Variants in MECOM observed in about 807,000 individuals in gnomAD.
MECOM encodes MDS1 and EVI1 complex locus.
In MECOM, 13 loss-of-function variants were observed where a neutral mutation model predicts 116.3. That is an observed-to-expected ratio of 0.11 (90% CI 0.07 to 0.18). The LOEUF (loss-of-function observed/expected upper bound fraction) is 0.18, where lower values mean the gene tolerates loss of function less well. MECOM is among the 10% of genes least tolerant of loss of function. The probability of loss-of-function intolerance (pLI) is 1.00; values close to 1 mark genes in which losing one functional copy is unlikely to be tolerated. For synonymous variants in MECOM, 528 were observed against 535.2 expected, an observed-to-expected ratio of 0.99 and a Z score of 0.19; for missense variants, 1,299 against 1,509.0, an observed-to-expected ratio of 0.86 and a Z score of 2.31.
At chr3:169,432,181 CAG>C (rs1391299532) in intron 1 of MECOM, among the ~76,000 whole-genome samples, 2 of 150,006 alleles carry the variant, frequency 1.3e-5, no homozygotes, top group East Asian at 2.0e-4. Flanking sequence ...TTTTTTTAGA[CAG>C]AGTCTTGCTC....
intron 1 of MECOM, among the ~76,000 whole-genome samples, chr3:169,482,363 G>T (rs1462617476): frequency 8.1e-6 from 1 of 124,054 alleles, no homozygotes; most frequent in African/African-American, 3.2e-5. Context: ...ACGGAGTCTC[G>T]CTCTGTGGCC....
chr3:169,189,169 T>C (rs1747181416), intron 2 of MECOM, among the ~76,000 whole-genome samples: 1 of 152,108 alleles, frequency 6.6e-6, no homozygotes, highest in African/African-American at 2.4e-5. Flanking sequence ...TTAAGACCTA[T>C]GTTGCTTTAA....
chr3:169,537,385 A>G (rs1405822646), intron 1 of MECOM, among the ~76,000 whole-genome samples: 1 of 152,206 alleles, frequency 6.6e-6, no homozygotes, highest in Non-Finnish European at 1.5e-5. Context: ...GAATGGGTCA[A>G]AAGCAAACAA....
chr3:169,188,176 T>TC (rs768015362), intron 2 of MECOM, among the ~76,000 whole-genome samples: 6 of 152,098 alleles, frequency 3.9e-5, no homozygotes, highest in Admixed American at 6.6e-5. Flanking sequence ...CAACCTTTTT[T>TC]CCTTTGAGCA....
chr3:169,596,404 A>G (rs1243261050), intron 1 of MECOM, among the ~76,000 whole-genome samples: 6 of 152,354 alleles, frequency 3.9e-5, no homozygotes, highest in Middle Eastern at 3.4e-3. Context: ...CTGAAAGTAC[A>G]TTATTAATTG....
At chr3:169,363,476 G>A (rs1056702753) in intron 2 of MECOM, among the ~76,000 whole-genome samples, 2 of 151,664 alleles carry the variant, frequency 1.3e-5, no homozygotes, top group Admixed American at 1.3e-4. Context: ...GCTCTTTCTG[G>A]TGCTGCTTCT....
chr3:169,650,856 C>T (rs1284606164), intron 1 of MECOM, among the ~76,000 whole-genome samples: 2 of 152,104 alleles, frequency 1.3e-5, no homozygotes, highest in Non-Finnish European at 2.9e-5. Context: ...ACCCAAATGT[C>T]ATCCACAGGG....
chr3:169,481,870 C>A (rs1275562600), intron 1 of MECOM, among the ~76,000 whole-genome samples: 1 of 152,204 alleles, frequency 6.6e-6, no homozygotes, highest in African/African-American at 2.4e-5. Context: ...CATTTTAATA[C>A]CATATCTCAA....
At chr3:169,362,090 T>G (rs1031998017) in intron 2 of MECOM, among the ~76,000 whole-genome samples, 1 of 151,928 alleles carries the variant, frequency 6.6e-6, no homozygotes, top group Non-Finnish European at 1.5e-5. Flanking sequence ...CTATTTTCTA[T>G]GTAATTTAAA....
chr3:169,154,529 C>T (rs966673480), intron 2 of MECOM, among the ~76,000 whole-genome samples: 2 of 152,288 alleles, frequency 1.3e-5, no homozygotes, highest in South Asian at 2.1e-4. Flanking sequence ...GATCTCCTGC[C>T]AGATCCTCTG....
intron 1 of MECOM, among the ~76,000 whole-genome samples, chr3:169,619,031 G>T (rs1770365905): frequency 6.7e-6 from 1 of 149,532 alleles, no homozygotes. Context: ...AAAAAAAAAA[G>T]TCCACTCTTT....
chr3:169,397,372 G>A (rs138140542), intron 1 of MECOM, among the ~76,000 whole-genome samples: 303 of 152,336 alleles, frequency 2.0e-3, no homozygotes, highest in African/African-American at 7.0e-3. Context: ...TGAACAATGA[G>A]CAATATTTAA....
At chr3:169,138,744 A>G (rs991821014) in intron 3 of MECOM, among the ~76,000 whole-genome samples, 1 of 151,116 alleles carries the variant, frequency 6.6e-6, no homozygotes, top group African/African-American at 2.5e-5. Context: ...AACATTTTTA[A>G]AAAGTATAAA....
At chr3:169,575,871 T>TA (rs147371655) in intron 1 of MECOM, among the ~76,000 whole-genome samples, 7,940 of 147,512 alleles carry the variant, frequency 0.054, 457 homozygotes, top group East Asian at 0.33. Flanking sequence ...CCTTAAGAGT[T>TA]AAAAAAAAAA....
intron 13 of MECOM, 106 bp from the exon 14 acceptor site, chr3:169,093,208 G>T: frequency 5.3e-6 from 6 of 1,130,306 alleles, no homozygotes; most frequent in Non-Finnish European, 5.0e-6. Flanking sequence ...CTTAAAACAT[G>T]CCCTATGAAT....
At chr3:169,351,364 T>A (rs1020682041) in intron 2 of MECOM, among the ~76,000 whole-genome samples, 4 of 151,846 alleles carry the variant, frequency 2.6e-5, no homozygotes, top group African/African-American at 9.7e-5. Flanking sequence ...GATATTTTAG[T>A]CAATAATTGC....
chr3:169,618,497 AAC>A (rs1770291145), intron 1 of MECOM, among the ~76,000 whole-genome samples: 1 of 152,122 alleles, frequency 6.6e-6, no homozygotes, highest in Non-Finnish European at 1.5e-5. Flanking sequence ...CTCTACTAAA[AAC>A]ACAAAAAATT....
At chr3:169,636,635 C>T (rs763329503) in intron 1 of MECOM, among the ~76,000 whole-genome samples, 20 of 152,164 alleles carry the variant, frequency 1.3e-4, no homozygotes, top group African/African-American at 4.3e-4. Context: ...TTCGAAGGTT[C>T]GTAATCCTGT....
intron 7 of MECOM, among the ~76,000 whole-genome samples, chr3:169,117,480 C>T (rs552503749): frequency 8.5e-5 from 13 of 152,296 alleles, no homozygotes; most frequent in Admixed American, 6.5e-4. Context: ...ACTATGATCA[C>T]GTCCTCTGAC....
Sources: allele counts gnomAD v4.1 joint callset (sites outside exome capture counted in the v4.1 genomes callset), GRCh38; gene constraint gnomAD v4.1.1; transcripts MANE v1.5; gene names NCBI Gene and HGNC (gene_info 2026-07-23, HGNC 2026-07-21).